The following MGLL variants were observed in gnomAD, a reference collection of about 807,000 sequenced individuals.
The protein encoded by MGLL is monoglyceride lipase, also known as lysophospholipase homolog.
Under a neutral mutation model 29.1 loss-of-function variants are expected in MGLL, and 7 were observed. The ratio of observed to expected loss-of-function variants is 0.24; its 90% CI spans 0.14 to 0.45. MGLL has a LOEUF of 0.45. Ranked by LOEUF, MGLL falls within the 20% of genes least tolerant of loss-of-function variation. The pLI is 0.99. For synonymous variants in MGLL, 148 were observed against 168.3 expected, an observed-to-expected ratio of 0.88 and a Z score of 0.93; for missense variants, 356 against 413.6, an observed-to-expected ratio of 0.86 and a Z score of 1.21.
intron 2 of MGLL, among the ~76,000 whole-genome samples, chr3:127,789,769 A>T (rs2077270931): frequency 6.6e-6 from 1 of 152,170 alleles, no homozygotes; most frequent in Non-Finnish European, 1.5e-5. Flanking sequence ...AGAAAGAAAG[A>T]GGCAGACCTT....
At chr3:127,696,330 G>A (rs1253225736) in intron 6 of MGLL, among the ~76,000 whole-genome samples, 11 of 149,498 alleles carry the variant, frequency 7.4e-5, no homozygotes, top group Admixed American at 6.0e-4. Flanking sequence ...CTGCCCTACA[G>A]GATCGGGGAG....
At chr3:127,721,507 GT>G (rs55892315) in intron 4 of MGLL, among the ~76,000 whole-genome samples, 10,013 of 94,778 alleles carry the variant, frequency 0.11, 211 homozygotes, top group Middle Eastern at 0.15. Flanking sequence ...TAATAGGAGG[GT>G]TTTTTTTTTT....
At chr3:127,733,967 A>G (rs913617959) in intron 3 of MGLL, among the ~76,000 whole-genome samples, 2 of 152,228 alleles carry the variant, frequency 1.3e-5, no homozygotes, top group Non-Finnish European at 2.9e-5. Flanking sequence ...CTGCCTCCCA[A>G]TCGTACAGCG....
intron 6 of MGLL, among the ~76,000 whole-genome samples, chr3:127,696,969 G>A (rs2075379899): frequency 6.6e-6 from 1 of 152,260 alleles, no homozygotes; most frequent in Non-Finnish European, 1.5e-5. Context: ...CCAAGTGGGA[G>A]AGGCTGTCCT....
chr3:127,730,663 T>G (rs2076133819), intron 3 of MGLL, among the ~76,000 whole-genome samples: 1 of 152,178 alleles, frequency 6.6e-6, no homozygotes, highest in Non-Finnish European at 1.5e-5. Flanking sequence ...ACCCCTTCCA[T>G]AACCCTGAAG....
rs201233462 is a variant in MGLL at position 127,821,707 on chromosome 3, T to C, written c.142A>G (p.Thr48Ala). ...GGGAAGACTTACTTGGGTGTGCCTG[T>C]GGGTTTCCAGTACCTGCAGAAGAGG... Reference protein sequence around the residue: ...QYLFCRYWKPTGTPKALIFVS... With the variant: ...QYLFCRYWKPAGTPKALIFVS... Residue 48 changes from threonine to alanine, a missense_variant, in exon 2 of 8, where the codon ACA becomes GCA. Physicochemically the swap from Thr to Ala is moderately conservative, Grantham distance 58. Coordinates refer to ENST00000265052, the MANE Select transcript of MGLL (RefSeq NM_007283.7). The C allele has an allele frequency of 1.4e-4, 224 of 1,614,138 alleles. No homozygotes were observed. The Admixed American group carries it at 3.7e-3, about 27-fold the overall frequency.
intron 2 of MGLL, among the ~76,000 whole-genome samples, chr3:127,782,763 G>A (rs1428402210): frequency 1.3e-5 from 2 of 152,122 alleles, no homozygotes; most frequent in Non-Finnish European, 2.9e-5. Context: ...AAGAGGAGGA[G>A]GAGAACAAGC....
At chr3:127,707,178 A>T (rs565557837) in intron 6 of MGLL, among the ~76,000 whole-genome samples, 2 of 152,200 alleles carry the variant, frequency 1.3e-5, no homozygotes, top group Non-Finnish European at 2.9e-5. Context: ...TCTAGAAGAC[A>T]AGTGGCCTCA....
chr3:127,793,443 G>C (rs1186216145), intron 2 of MGLL, among the ~76,000 whole-genome samples: 2 of 152,216 alleles, frequency 1.3e-5, no homozygotes, highest in African/African-American at 2.4e-5. Flanking sequence ...ACCGGGCTAA[G>C]GGCTCTCTAT....
intron 3 of MGLL, among the ~76,000 whole-genome samples, chr3:127,734,136 A>G (rs1412444093): frequency 2.0e-5 from 3 of 152,250 alleles, no homozygotes; most frequent in Non-Finnish European, 2.9e-5. Flanking sequence ...TGTGGGATCC[A>G]TGGCTGCCTT....
intron 6 of MGLL, 126 bp downstream of exon 6, chr3:127,710,450 T>C: frequency 1.1e-6 from 1 of 909,076 alleles, no homozygotes. Context: ...CACCACTGTG[T>C]CCTTGTCACT....
At chr3:127,776,935 T>C (rs1027673630) in intron 3 of MGLL, among the ~76,000 whole-genome samples, 7 of 152,176 alleles carry the variant, frequency 4.6e-5, no homozygotes, top group African/African-American at 1.7e-4. Context: ...CAACACAATG[T>C]AAGACACTGT....
intron 3 of MGLL, among the ~76,000 whole-genome samples, chr3:127,744,640 T>G (rs919827185): frequency 1.3e-5 from 2 of 152,146 alleles, no homozygotes; most frequent in Non-Finnish European, 2.9e-5. Context: ...CCAGGATGCA[T>G]GAGATCAAGG....
intron 5 of MGLL, among the ~76,000 whole-genome samples, chr3:127,718,775 T>C (rs1442134480): frequency 6.6e-6 from 1 of 152,170 alleles, no homozygotes; most frequent in East Asian, 1.9e-4. Context: ...AGAGAGACTC[T>C]CCCTGCATCC....
chr3:127,741,503 C>T (rs1477145448), intron 3 of MGLL, among the ~76,000 whole-genome samples: 1 of 152,224 alleles, frequency 6.6e-6, no homozygotes, highest in Non-Finnish European at 1.5e-5. Flanking sequence ...CAGCACGAGG[C>T]CCATGCTAGG....
chr3:127,770,682 T>G (rs688623), intron 3 of MGLL, among the ~76,000 whole-genome samples: 3 of 152,188 alleles, frequency 2.0e-5, no homozygotes, highest in Non-Finnish European at 2.9e-5. Flanking sequence ...TATGGAATAG[T>G]CTCCAGGAGG....
intron 3 of MGLL, among the ~76,000 whole-genome samples, chr3:127,748,524 C>T (rs1380130955): frequency 2.6e-5 from 4 of 151,606 alleles, no homozygotes; most frequent in African/African-American, 4.9e-5. Flanking sequence ...CTAGTACCTC[C>T]GAATGGATAC....
At chr3:127,709,066 C>A (rs1315922197) in intron 6 of MGLL, among the ~76,000 whole-genome samples, 18 of 152,212 alleles carry the variant, frequency 1.2e-4, no homozygotes, top group African/African-American at 4.8e-5. Flanking sequence ...GGGTTAATGT[C>A]GATCTCATTC....
At chr3:127,794,703 T>C (rs116073181) in intron 2 of MGLL, among the ~76,000 whole-genome samples, 3,998 of 152,320 alleles carry the variant, frequency 0.026, 168 homozygotes, top group African/African-American at 0.091. Context: ...TCTTCTATGA[T>C]GTAAGACTAT....
Sources: gnomAD v4.1 joint callset for allele counts (sites outside exome capture counted in the v4.1 genomes callset) on GRCh38, gnomAD v4.1.1 for gene constraint, MANE v1.5 for transcripts, NCBI Gene and HGNC (gene_info 2026-07-23, HGNC 2026-07-21) for gene names.